CSMD1: variants seen among roughly 807,000 people sequenced by gnomAD.
The protein encoded by CSMD1 is CUB and Sushi multiple domains 1, also known as CUB and sushi domain-containing protein 1.
In CSMD1, 213 loss-of-function variants were observed where a neutral mutation model predicts 417.5. The observed-to-expected ratio is 0.51, with a 90% CI of 0.46 to 0.57. The LOEUF (loss-of-function observed/expected upper bound fraction) is 0.57, where lower values mean the gene tolerates loss of function less well. Ranked by LOEUF, CSMD1 falls within the 20% of genes least tolerant of loss-of-function variation. The pLI is 0.00. For synonymous variants in CSMD1, 2,862 were observed against 1,736.8 expected (o/e 1.65, Z -16.11); for missense variants, 6,923 against 4,529.7 (o/e 1.53, Z -15.17).
intron 1 of CSMD1, among the ~76,000 whole-genome samples, chr8:4,715,981 G>A (rs770300492): frequency 5.9e-5 from 9 of 152,172 alleles, no homozygotes; most frequent in African/African-American, 1.2e-4. Flanking sequence ...TGTGATGACT[G>A]CTTAAATCTT....
intron 42 of CSMD1, among the ~76,000 whole-genome samples, chr8:3,113,609 G>A (rs1331102371): frequency 2.6e-5 from 4 of 152,200 alleles, no homozygotes; most frequent in South Asian, 2.1e-4. Flanking sequence ...CCCCCACAAC[G>A]CCACTCTCTA....
At chr8:4,790,991 T>C (rs1350722059) in intron 1 of CSMD1, among the ~76,000 whole-genome samples, 2 of 152,112 alleles carry the variant, frequency 1.3e-5, no homozygotes, top group Non-Finnish European at 2.9e-5. Context: ...TGGGACCTAA[T>C]TAGACTAAAA....
chr8:3,645,884 A>G (rs895787330), intron 7 of CSMD1, among the ~76,000 whole-genome samples: 3 of 152,350 alleles, frequency 2.0e-5, no homozygotes, highest in South Asian at 2.1e-4. Flanking sequence ...GGCAAATTAC[A>G]TATGAATACT....
At chr8:4,794,631 C>A (rs971159946) in intron 1 of CSMD1, among the ~76,000 whole-genome samples, 1 of 152,146 alleles carries the variant, frequency 6.6e-6, no homozygotes, top group Non-Finnish European at 1.5e-5. Context: ...GCTCCATAGT[C>A]AGGAACCTCC....
chr8:4,322,137 C>T (rs904446895), intron 3 of CSMD1, among the ~76,000 whole-genome samples: 8 of 152,074 alleles, frequency 5.3e-5, no homozygotes, highest in East Asian at 1.9e-4. Context: ...TTTTATCCTC[C>T]GATTTCTTTA....
chr8:4,357,900 T>G (rs1289844193), intron 3 of CSMD1, among the ~76,000 whole-genome samples: 1 of 152,150 alleles, frequency 6.6e-6, no homozygotes. Context: ...ATAATTGTAG[T>G]ATTTATAAAA....
intron 7 of CSMD1, chr8:3,700,361 C>T (rs1345719744): frequency 6.6e-6 from 1 of 152,116 alleles, no homozygotes; most frequent in Non-Finnish European, 1.5e-5. Flanking sequence ...AACAGGGTTA[C>T]TTTATGTGTG....
rs138530857 is a variant in CSMD1 at position 3,720,564 on chromosome 8, G to T, written c.932-12073C>A. ...TGGGGGCTAACCTTCTTAAACAGGG[G>T]TGACACTTCACAGTAGGAGAAACCT... On this transcript the variant is annotated intron_variant, in intron 6 of 69. Coordinates refer to ENST00000635120, the MANE Select transcript of CSMD1 (RefSeq NM_033225.6). 2.7e-4 allele frequency among the ~76,000 whole-genome samples: 41 copies of T among 150,918 alleles called. No homozygotes were observed. The East Asian group carries it at 7.7e-3, about 28-fold the overall frequency.
intron 6 of CSMD1, among the ~76,000 whole-genome samples, chr8:3,752,926 G>T (rs138606690): frequency 2.6e-5 from 4 of 152,154 alleles, no homozygotes; most frequent in Non-Finnish European, 5.9e-5. Flanking sequence ...TAAGATAACA[G>T]ATATTTAGAC....
intron 68 of CSMD1, among the ~76,000 whole-genome samples, chr8:2,948,229 A>G (rs1802386318): frequency 6.6e-6 from 1 of 152,140 alleles, no homozygotes; most frequent in South Asian, 2.1e-4. Flanking sequence ...GAGCTGTAGC[A>G]TGCACAAAGC....
At chr8:4,427,924 G>C (rs1442938507) in intron 2 of CSMD1, among the ~76,000 whole-genome samples, 2 of 152,076 alleles carry the variant, frequency 1.3e-5, no homozygotes, top group East Asian at 1.9e-4. Context: ...CTTTATTTAA[G>C]GCACTTTATT....
chr8:3,123,336 C>T (rs1311661334), intron 41 of CSMD1, among the ~76,000 whole-genome samples: 2 of 152,140 alleles, frequency 1.3e-5, no homozygotes, highest in Admixed American at 1.3e-4. Context: ...AAAGCCACTG[C>T]CAAATGGCCT....
chr8:4,718,576 A>G (rs938873460), intron 1 of CSMD1, among the ~76,000 whole-genome samples: 3 of 152,102 alleles, frequency 2.0e-5, no homozygotes, highest in African/African-American at 7.2e-5. Context: ...TTTATAAAAC[A>G]TGAAAAGGAG....
chr8:4,854,964 C>G (rs1801707156), intron 1 of CSMD1, among the ~76,000 whole-genome samples: 1 of 152,152 alleles, frequency 6.6e-6, no homozygotes, highest in Non-Finnish European at 1.5e-5. Flanking sequence ...GGGGGCAGGG[C>G]ACAGACAAAC....
intron 3 of CSMD1, among the ~76,000 whole-genome samples, chr8:4,385,015 C>T (rs1430122042): frequency 6.6e-6 from 1 of 152,150 alleles, no homozygotes; most frequent in Non-Finnish European, 1.5e-5. Flanking sequence ...CAACCTCCGT[C>T]CCCCTGGTTC....
intron 3 of CSMD1, among the ~76,000 whole-genome samples, chr8:4,102,019 G>C (rs1801330232): frequency 6.6e-6 from 1 of 152,222 alleles, no homozygotes. Flanking sequence ...AGGGATTACT[G>C]TCACAGATAT....
chr8:4,968,247 T>C (rs1810009778), intron 1 of CSMD1, among the ~76,000 whole-genome samples: 1 of 126,606 alleles, frequency 7.9e-6, no homozygotes, highest in South Asian at 2.5e-4. Flanking sequence ...ATTCAATTTA[T>C]ATTATGGAGA....
chr8:3,959,869 A>G (rs185203842), intron 5 of CSMD1, among the ~76,000 whole-genome samples: 1 of 152,220 alleles, frequency 6.6e-6, no homozygotes, highest in Non-Finnish European at 1.5e-5. Flanking sequence ...TGAGGTATAT[A>G]ACGTGTGATC....
chr8:3,528,569 G>C (rs915378055), intron 10 of CSMD1, among the ~76,000 whole-genome samples: 3 of 152,056 alleles, frequency 2.0e-5, no homozygotes, highest in African/African-American at 7.2e-5. Context: ...AAGTGTTTTG[G>C]TTCAGTAAAC....
Sources: allele counts gnomAD v4.1 joint callset (sites outside exome capture counted in the v4.1 genomes callset), GRCh38; gene constraint gnomAD v4.1.1; transcripts MANE v1.5; gene names NCBI Gene and HGNC (gene_info 2026-07-23, HGNC 2026-07-21).